The following ABHD2 variants were observed in gnomAD, a reference collection of about 807,000 sequenced individuals.
ABHD2 encodes the protein monoacylglycerol lipase ABHD2.
In ABHD2, 20 loss-of-function variants were observed where a neutral mutation model predicts 48.1. The ratio of observed to expected loss-of-function variants is 0.42; its 90% CI spans 0.29 to 0.60. ABHD2 has a LOEUF of 0.60. Among genes scored for constraint, ABHD2 ranks in the 20% least tolerant of loss-of-function variants. The probability of loss-of-function intolerance (pLI) is 0.24; values close to 1 mark genes in which losing one functional copy is unlikely to be tolerated. For synonymous variants in ABHD2, 209 were observed against 214.2 expected, an observed-to-expected ratio of 0.98 and a Z score of 0.21; for missense variants, 405 against 550.9, an observed-to-expected ratio of 0.74 and a Z score of 2.65.
At chr15:89,136,710 A>G (rs1407438311) in intron 3 of ABHD2, among the ~76,000 whole-genome samples, 1 of 152,256 alleles carries the variant, frequency 6.6e-6, no homozygotes, top group Non-Finnish European at 1.5e-5. Flanking sequence ...CATTCTGTGT[A>G]GGTAATCCAG....
At chr15:89,157,700 G>A (rs184994332) in intron 5 of ABHD2, among the ~76,000 whole-genome samples, 30 of 152,096 alleles carry the variant, frequency 2.0e-4, no homozygotes, top group African/African-American at 4.3e-4. Flanking sequence ...AAAAGTAGCC[G>A]GGCGTGGTGG....
At chr15:89,110,345 GT>G (rs201571772) in intron 1 of ABHD2, among the ~76,000 whole-genome samples, 5,378 of 152,228 alleles carry the variant, frequency 0.035, 128 homozygotes, top group African/African-American at 0.069. Flanking sequence ...ACAGGCGTGA[GT>G]CCCCTGCACC....
the ABHD2 span, among the ~76,000 whole-genome samples, chr15:89,040,999 G>C: frequency 6.6e-6 from 1 of 152,234 alleles, no homozygotes; most frequent in Admixed American, 6.5e-5. Flanking sequence ...TTGGCCAATA[G>C]GGCTCTAGCA....
At chr15:89,119,807 G>A (rs943045624) in intron 3 of ABHD2, among the ~76,000 whole-genome samples, 1 of 152,140 alleles carries the variant, frequency 6.6e-6, no homozygotes, top group African/African-American at 2.4e-5. Context: ...GTCTTTTTCT[G>A]TGTCACATGA....
At chr15:89,077,356 A>G in the ABHD2 span, among the ~76,000 whole-genome samples, 1 of 152,230 alleles carries the variant, frequency 6.6e-6, no homozygotes, top group Non-Finnish European at 1.5e-5. Context: ...TTGAATATGA[A>G]TGTTCTACAA....
chr15:89,074,991 C>T, the ABHD2 span, among the ~76,000 whole-genome samples: 1 of 152,176 alleles, frequency 6.6e-6, no homozygotes, highest in Non-Finnish European at 1.5e-5. Flanking sequence ...ACCCCCAACC[C>T]TAAACTTTAG....
At chr15:89,086,768 T>C (rs186251953), upstream of ABHD2, among the ~76,000 whole-genome samples, 4 of 152,380 alleles carry the variant, frequency 2.6e-5, no homozygotes, top group East Asian at 7.7e-4. Flanking sequence ...CATTACCTTA[T>C]ATACTTATCT....
At position 89,151,951 on chromosome 15, in the gene ABHD2, C is replaced by T. The variant is rs2050598361; in HGVS notation, c.370+99C>T. 4.2e-6 allele frequency: 6 copies of T among 1,445,522 alleles called. No homozygotes were observed. In the South Asian group the frequency reaches 6.8e-5, roughly 16 times the overall value. The allele number at this position is 1,445,522 out of a possible 1,614,324, so 89.5% of individuals were successfully genotyped here. A position where few individuals can be genotyped will look rare whatever the true frequency, so the allele number is the denominator to read the frequency against. On this transcript the variant is annotated intron_variant, in intron 4 of 10. Transcript: ENST00000352732. This position sits in a 1 kb window ranked among gnomAD's most constrained non-coding sequence, Gnocchi z 4.7. ...GTGAATACTTGTGCCACTGACTCTG[C>T]CCATGGCATCAGGGGCTGTTGGGAA...
At chr15:89,192,049 C>T (rs996460744) in intron 9 of ABHD2, among the ~76,000 whole-genome samples, 2 of 152,216 alleles carry the variant, frequency 1.3e-5, no homozygotes, top group African/African-American at 2.4e-5. Context: ...ACCTGAATGA[C>T]CAACAAGCCA....
the ABHD2 span, among the ~76,000 whole-genome samples, chr15:89,065,042 C>A: frequency 6.6e-6 from 1 of 151,896 alleles, no homozygotes; most frequent in Admixed American, 6.6e-5. Context: ...CATTCCTCCC[C>A]AAAAATATAC....
At chr15:89,159,602 T>C (rs887873339) in intron 5 of ABHD2, among the ~76,000 whole-genome samples, 4 of 152,114 alleles carry the variant, frequency 2.6e-5, no homozygotes, top group Non-Finnish European at 5.9e-5. Context: ...GAGTGCGCTA[T>C]GGAAGGGCAA....
At position 89,195,475 on chromosome 15, in the gene ABHD2, C is replaced by A; in HGVS notation, c.*52C>A. 1 of 1,565,466 alleles carries A rather than the reference C, an allele frequency of 6.4e-7. No individual in the cohort carries two copies. On this transcript the variant is annotated 3_prime_UTR_variant, in exon 11 of 11. Transcript: ENST00000352732. This position sits in a 1 kb window ranked among gnomAD's most constrained non-coding sequence, Gnocchi z 5.1. The stretch of plus-strand genomic sequence containing the variant: ...CAGCCCTCCTCTGGAAGCTGCGTCC[C>A]CTCACCCCCTGTTTCAGGTCTCCCA...
At chr15:89,090,823 AT>A (rs1357119009) in intron 1 of ABHD2, among the ~76,000 whole-genome samples, 1 of 152,084 alleles carries the variant, frequency 6.6e-6, no homozygotes, top group African/African-American at 2.4e-5. Context: ...ATGGATGAAC[AT>A]TTTTAGATTA....
rs2051210508 is a variant in ABHD2, at chr15:89,186,381, T to G, written c.815+865T>G. On this transcript the variant is annotated intron_variant, in intron 7 of 10. Coordinates refer to ENST00000352732, the MANE Select transcript of ABHD2 (RefSeq NM_152924.5). This position sits in a 1 kb window ranked among gnomAD's most constrained non-coding sequence, Gnocchi z 4.3. ...TAAATATTAGCAATGACTTTTTCAT[T>G]ATGATTATTATTATTGCTGACATCT... Among the ~76,000 whole-genome samples, 1 of 152,160 alleles carries G rather than the reference T, an allele frequency of 6.6e-6. No homozygotes were observed. Among genetic ancestry groups the G allele is most frequent in the African/African-American group, 2.4e-5 (1 of 41,426 alleles).
chr15:89,075,932 G>C, the ABHD2 span, among the ~76,000 whole-genome samples: 684 of 152,332 alleles, frequency 4.5e-3, 2 homozygotes, highest in Non-Finnish European at 4.8e-3. The surrounding 1 kb of genome is among the most constrained non-coding windows in gnomAD (Gnocchi z 4.1). Context: ...AGAACTGAAA[G>C]CCAACTGCTG....
Position 89,191,627 on chromosome 15 carries a change from CTTTT to C in ABHD2, c.996+493_996+496del, listed in dbSNP as rs57919032. On this transcript the variant is annotated intron_variant, in intron 9 of 10. Coordinates refer to ENST00000352732, the MANE Select transcript of ABHD2 (RefSeq NM_152924.5). ...TAATGATGAGCATGTCTATTTTTTT[CTTTT>C]TTTTTTTTTTTTTTGAGATGGAGTC... Among the ~76,000 whole-genome samples, 21 of 121,744 alleles carry C rather than the reference CTTTT, an allele frequency of 1.7e-4. No homozygotes were observed. In the East Asian group the frequency reaches 2.6e-3, roughly 15 times the overall value. 79.9% of individuals were successfully genotyped at this position (121,744 alleles called of 152,430 possible). A position where few individuals can be genotyped will look rare whatever the true frequency, so the allele number is the denominator to read the frequency against.
In ABHD2 at chr15:89,201,056, T is replaced by C. The variant is rs2051461393; in HGVS notation, c.*5633T>C. The C allele has an allele frequency of 1.3e-6, 1 of 757,178 alleles. No individual in the cohort carries two copies. The highest frequency in any genetic ancestry group is 1.7e-5 in the African/African-American group (1 of 57,552). The allele number at this position is 757,178 out of a possible 1,614,324, so 46.9% of individuals were successfully genotyped here. On this transcript the variant is annotated 3_prime_UTR_variant, in exon 11 of 11. Transcript: ENST00000352732. ...GAGATCACGCCTCTGCACTCCAGCCTGGGCAACAAGAGTGAGACTCCGTCT... is the reference window on the plus strand; with the variant it reads ...GAGATCACGCCTCTGCACTCCAGCCCGGGCAACAAGAGTGAGACTCCGTCT...
rs2049680455 is a variant in ABHD2 at position 89,100,245 on chromosome 15, T to G, written c.-107+11682T>G. Among the ~76,000 whole-genome samples the G allele has an allele frequency of 6.6e-6, 1 of 151,982 alleles. No individual in the cohort carries two copies. Among genetic ancestry groups the G allele is most frequent in the Non-Finnish European group, 1.5e-5 (1 of 68,004 alleles). On this transcript the variant is annotated intron_variant, in intron 1 of 10. Transcript: ENST00000352732. This position sits in a 1 kb window ranked among gnomAD's most constrained non-coding sequence, Gnocchi z 4.4. ...AATGAAGTCTCTCCTTTGTCTTCTC[T>G]GGTGAGCACACCACTCCCAAGTTCA...
Position 89,095,275 on chromosome 15 carries a change from G to C in ABHD2, c.-107+6712G>C, listed in dbSNP as rs187846569. Among the ~76,000 whole-genome samples the C allele has an allele frequency of 4.7e-3, 713 of 152,196 alleles. 6 individuals carry two copies. The highest frequency in any genetic ancestry group is 0.014 in the Middle Eastern group (4 of 294). On this transcript the variant is annotated intron_variant, in intron 1 of 10. Transcript: ENST00000352732. Reference sequence around the variant, plus strand: ...TTTGCAGTTTCCTTAAACAATGCTCGTTACTCTTTTTCTGGGAAATCAGGC... The same window carrying C: ...TTTGCAGTTTCCTTAAACAATGCTCCTTACTCTTTTTCTGGGAAATCAGGC...
Sources: allele counts gnomAD v4.1 joint callset (sites outside exome capture counted in the v4.1 genomes callset), GRCh38; gene constraint gnomAD v4.1.1; non-coding constraint Gnocchi (gnomAD v3.1); transcripts MANE v1.5; gene names NCBI Gene and HGNC (gene_info 2026-07-23, HGNC 2026-07-21).